Variants in PCSK5 observed in about 807,000 individuals in gnomAD.
The protein encoded by PCSK5 is prohormone convertase 5.
A neutral mutation model predicts 233.2 loss-of-function variants in PCSK5; 129 were observed. That is an observed-to-expected ratio of 0.55 (90% confidence interval 0.48 to 0.64). The LOEUF (loss-of-function observed/expected upper bound fraction) is 0.64. Among genes scored for constraint, PCSK5 ranks in the 30% least tolerant of loss-of-function variants. PCSK5 has a pLI of 0.00. For synonymous variants in PCSK5, 825 were observed against 879.2 expected (o/e 0.94, Z 1.09); for missense variants, 2,076 against 2,430.1 (o/e 0.85, Z 3.06).
At chr9:76,181,676 GA>G in intron 16 of PCSK5, 85 bp downstream of exon 16, 1 of 855,330 alleles carries the variant, frequency 1.2e-6, no homozygotes, top group South Asian at 1.8e-5. Context: ...GCCTCTTTGT[GA>G]AATCTGGAAT....
At chr9:76,134,718 A>G (rs974069127) in intron 10 of PCSK5, among the ~76,000 whole-genome samples, 1 of 152,066 alleles carries the variant, frequency 6.6e-6, no homozygotes, top group Non-Finnish European at 1.5e-5. Context: ...GTTACTTTAT[A>G]TAAACTAAAA....
chr9:76,220,485 C>A (rs191372242), intron 20 of PCSK5, among the ~76,000 whole-genome samples: 1 of 145,322 alleles, frequency 6.9e-6, no homozygotes, highest in African/African-American at 2.6e-5. Flanking sequence ...TGAAAATGCG[C>A]CACAGCACTC....
intron 36 of PCSK5, among the ~76,000 whole-genome samples, chr9:76,352,646 G>A (rs1230985234): frequency 3.3e-5 from 5 of 152,056 alleles, no homozygotes; most frequent in Admixed American, 2.6e-4. Flanking sequence ...AGGATTACAG[G>A]TGTGAGCCAC....
intron 5 of PCSK5, among the ~76,000 whole-genome samples, chr9:76,042,367 G>A (rs1278075051): frequency 6.6e-6 from 1 of 152,162 alleles, no homozygotes; most frequent in African/African-American, 2.4e-5. Context: ...AAAGTTTCAG[G>A]CCAGGCACCA....
At chr9:75,909,958 C>T (rs989087149) in intron 1 of PCSK5, among the ~76,000 whole-genome samples, 1 of 152,186 alleles carries the variant, frequency 6.6e-6, no homozygotes, top group Non-Finnish European at 1.5e-5. Context: ...TTGTGGTGAG[C>T]TGCATCTGCC....
At chr9:76,130,225 A>G (rs1305838424) in intron 9 of PCSK5, among the ~76,000 whole-genome samples, 1 of 152,172 alleles carries the variant, frequency 6.6e-6, no homozygotes, top group Non-Finnish European at 1.5e-5. Flanking sequence ...ATGCTATGGT[A>G]AACAAAAATC....
At chr9:76,244,479 T>C (rs775228911) in intron 24 of PCSK5, among the ~76,000 whole-genome samples, 26 of 152,036 alleles carry the variant, frequency 1.7e-4, no homozygotes, top group Non-Finnish European at 2.9e-4. Context: ...AGACGATCTC[T>C]AGGGGAGTCA....
intron 17 of PCSK5, among the ~76,000 whole-genome samples, chr9:76,187,566 T>C (rs1456451071): frequency 6.6e-6 from 1 of 152,092 alleles, no homozygotes; most frequent in Non-Finnish European, 1.5e-5. Flanking sequence ...TCTGACTGTG[T>C]TGCCCAGGCT....
At chr9:76,013,995 G>A (rs146083847) in intron 3 of PCSK5, among the ~76,000 whole-genome samples, 323 of 149,978 alleles carry the variant, frequency 2.2e-3, no homozygotes, top group Non-Finnish European at 3.7e-3. Flanking sequence ...ACTGAAGTCC[G>A]TTGGTTGTGC....
At chr9:75,911,788 A>G (rs1822750707) in intron 1 of PCSK5, among the ~76,000 whole-genome samples, 2 of 152,158 alleles carry the variant, frequency 1.3e-5, no homozygotes, top group African/African-American at 2.4e-5. Context: ...CAGGCTAGGT[A>G]TCTTCCCAAG....
At chr9:75,953,087 G>GA (rs536410436) in intron 2 of PCSK5, among the ~76,000 whole-genome samples, 16 of 152,202 alleles carry the variant, frequency 1.1e-4, no homozygotes, top group African/African-American at 3.6e-4. Flanking sequence ...TTGGGAACCT[G>GA]AAAAAATATC....
At chr9:75,924,446 G>A (rs1460016371) in intron 1 of PCSK5, among the ~76,000 whole-genome samples, 1 of 152,166 alleles carries the variant, frequency 6.6e-6, no homozygotes, top group Non-Finnish European at 1.5e-5. Context: ...TGTTGTGCTT[G>A]TTTTGGAGTC....
At chr9:76,031,897 A>C (rs897530205) in intron 5 of PCSK5, among the ~76,000 whole-genome samples, 1 of 152,160 alleles carries the variant, frequency 6.6e-6, no homozygotes, top group Non-Finnish European at 1.5e-5. Flanking sequence ...ATTTAAATTA[A>C]GACTTGGGGT....
chr9:76,011,919 C>A (rs1827742905), intron 3 of PCSK5, among the ~76,000 whole-genome samples: 1 of 152,144 alleles, frequency 6.6e-6, no homozygotes, highest in African/African-American at 2.4e-5. Context: ...CCCTTAATGT[C>A]ATGCAAGGTC....
At position 76,296,701 on chromosome 9, in the gene PCSK5, A is replaced by G; in HGVS notation, c.3359A>G (p.Tyr1120Cys). 1.2e-6 allele frequency: 2 copies of G among 1,612,490 alleles called. No homozygotes were observed. The highest frequency in any genetic ancestry group is 1.7e-6 in the Non-Finnish European group (2 of 1,179,564). Reference protein sequence around the residue: ...SCVRKCGPGFYGDQEMGECES... With the variant: ...SCVRKCGPGFCGDQEMGECES... ...GTGAGGAAATGTGGTCCTGGATTCTATGGTGACCAAGAAATGGGAGAATGT... is the reference window on the plus strand; with the variant it reads ...GTGAGGAAATGTGGTCCTGGATTCTGTGGTGACCAAGAAATGGGAGAATGT... The change falls in exon 27 of 38, where the codon TAT becomes TGT. Residue 1120 changes from tyrosine to cysteine, a missense_variant. This residue lies in a region of PCSK5 where 1,510 missense variants were observed against 1,538.1 expected (regional missense o/e 0.98). Transcript: ENST00000674117.
At chr9:76,299,427 G>A (rs2131420265) in intron 27 of PCSK5, among the ~76,000 whole-genome samples, 1 of 152,288 alleles carries the variant, frequency 6.6e-6, no homozygotes, top group East Asian at 1.9e-4. Context: ...CCAGCACTTT[G>A]GGAGGCCGAG....
intron 8 of PCSK5, among the ~76,000 whole-genome samples, chr9:76,100,952 A>G (rs1479703595): frequency 6.6e-6 from 1 of 152,064 alleles, no homozygotes; most frequent in Non-Finnish European, 1.5e-5. Context: ...CCTCTACCAA[A>G]TATCACTTCA....
intron 20 of PCSK5, among the ~76,000 whole-genome samples, chr9:76,217,572 C>A (rs1825582080): frequency 6.6e-6 from 1 of 152,210 alleles, no homozygotes; most frequent in Non-Finnish European, 1.5e-5. Context: ...GTAGCCAAGA[C>A]AGGGCTGAGG....
rs1830417892 is a variant in PCSK5 at position 76,360,716 on chromosome 9, C to G, written c.*1794C>G. 1 of 152,176 alleles carries G rather than the reference C, an allele frequency of 6.6e-6. No individual in the cohort carries two copies. Among genetic ancestry groups the G allele is most frequent in the African/African-American group, 2.4e-5 (1 of 41,450 alleles). 9.4% of individuals were successfully genotyped at this position (152,176 alleles called of 1,614,324 possible). ...TTAGGCTTTCTTGGCCAGAAAGTCTCTGTCATAACCACTCAGCTCTGCTAT... is the reference window on the plus strand; with the variant it reads ...TTAGGCTTTCTTGGCCAGAAAGTCTGTGTCATAACCACTCAGCTCTGCTAT... On this transcript the variant is annotated 3_prime_UTR_variant, in exon 38 of 38. Transcript: ENST00000674117.
Sources: gnomAD v4.1 joint callset for allele counts (sites outside exome capture counted in the v4.1 genomes callset) on GRCh38, gnomAD v4.1.1 for gene constraint, gnomAD v4.1.1 regional missense constraint, MANE v1.5 for transcripts, NCBI Gene and HGNC (gene_info 2026-07-23, HGNC 2026-07-21) for gene names.